The following AFF4 variants were observed in gnomAD, a reference collection of about 807,000 sequenced individuals.
AFF4 encodes AF4/FMR2 family member 4.
AFF4 carries 13 observed loss-of-function variants against 124.8 expected under a neutral mutation model. The observed-to-expected ratio is 0.10, with a 90% CI of 0.07 to 0.17. The LOEUF (loss-of-function observed/expected upper bound fraction) is 0.17. AFF4 is among the 10% of genes least tolerant of loss of function. The probability of loss-of-function intolerance (pLI) is 1.00; values close to 1 mark genes in which losing one functional copy is unlikely to be tolerated. For missense variants in AFF4, 1,092 were observed against 1,403.8 expected (o/e 0.78, Z 3.55); for synonymous variants, 477 against 496.1 (o/e 0.96, Z 0.51).
chr5:132,897,007 T>C lies in AFF4; in HGVS notation c.1623A>G (p.Glu541=), dbSNP rs1760420773. 6.2e-7 allele frequency: 1 copy of C among 1,614,094 alleles called. No individual in the cohort carries two copies. Among genetic ancestry groups the C allele is most frequent in the Admixed American group, 1.7e-5 (1 of 60,002 alleles). Reference sequence around the variant, plus strand: ...GAGATTTCTGCCTCCCACGCCCACTTTCTGATCCCTTTTGGATGGTTTTGG... The same window carrying C: ...GAGATTTCTGCCTCCCACGCCCACTCTCTGATCCCTTTTGGATGGTTTTGG... The part of the protein sequence containing the change: ...RDSKTIQKGS[E]SGRGRQKSPA... The change falls in exon 11 of 21, where the codon GAA becomes GAG. Residue 541 remains glutamate, a synonymous_variant. Transcript: ENST00000265343.
intron 1 of AFF4, among the ~76,000 whole-genome samples, chr5:132,948,125 A>AC (rs1761743918): frequency 2.0e-5 from 3 of 151,800 alleles, no homozygotes; most frequent in South Asian, 4.2e-4. Flanking sequence ...ATCTCGGCTC[A>AC]CTGCAACCTC....
chr5:132,932,572 T>C (rs1761325759), intron 3 of AFF4, among the ~76,000 whole-genome samples: 1 of 152,214 alleles, frequency 6.6e-6, no homozygotes, highest in South Asian at 2.1e-4. Flanking sequence ...CTGAGATACA[T>C]CATTTCACAT....
intron 9 of AFF4, 44 bp from the exon 10 acceptor site, chr5:132,898,436 T>C (rs774677704): frequency 1.9e-6 from 3 of 1,573,250 alleles, no homozygotes; most frequent in South Asian, 2.3e-5. Context: ...TTATTTTACA[T>C]TGACAACAGG....
intron 11 of AFF4, among the ~76,000 whole-genome samples, chr5:132,894,790 C>G (rs1353854355): frequency 6.6e-6 from 1 of 151,532 alleles, no homozygotes; most frequent in Middle Eastern, 3.2e-3. Flanking sequence ...AGCAAGATAC[C>G]ATCTCTATAA....
At chr5:132,901,200 T>C in intron 7 of AFF4, 1 of 970,082 alleles carries the variant, frequency 1.0e-6, no homozygotes, top group African/African-American at 1.8e-5. Flanking sequence ...CTCAATGAAC[T>C]TGTTTACACA....
At chr5:132,896,194 G>A (rs1760387189) in intron 11 of AFF4, 129 bp downstream of exon 11, 4 of 1,080,766 alleles carry the variant, frequency 3.7e-6, no homozygotes, top group East Asian at 4.8e-5. Context: ...GCCTCGCCTG[G>A]GCCTTGGGTT....
chr5:132,912,255 T>C (rs779628693), intron 5 of AFF4, among the ~76,000 whole-genome samples: 2 of 151,586 alleles, frequency 1.3e-5, no homozygotes, highest in South Asian at 2.1e-4. Context: ...TGAGGCAGAA[T>C]TGCTTGAACC....
chr5:132,915,203 T>C (rs1343583175), intron 5 of AFF4, among the ~76,000 whole-genome samples: 1 of 151,938 alleles, frequency 6.6e-6, no homozygotes, highest in African/African-American at 2.4e-5. Flanking sequence ...TAGCTGGGCG[T>C]GGTGGCGCAT....
intron 3 of AFF4, among the ~76,000 whole-genome samples, chr5:132,933,535 C>A (rs1411245061): frequency 6.6e-6 from 1 of 151,866 alleles, no homozygotes; most frequent in Admixed American, 6.6e-5. Flanking sequence ...TTATGAGACA[C>A]CCATCTTGAA....
chr5:132,943,286 T>C, intron 1 of AFF4: 1 of 191,914 alleles, frequency 5.2e-6, no homozygotes, highest in South Asian at 1.1e-4. Flanking sequence ...AAGTCAGCCC[T>C]TACAATAAGA....
At chr5:132,945,991 C>T (rs10463899) in intron 1 of AFF4, among the ~76,000 whole-genome samples, 17,540 of 151,646 alleles carry the variant, frequency 0.12, 1,283 homozygotes, top group South Asian at 0.2. Context: ...ACCCGGGACG[C>T]GGAGGTTGTG....
intron 5 of AFF4, among the ~76,000 whole-genome samples, chr5:132,911,271 TACA>T (rs1354476447): frequency 4.6e-5 from 7 of 152,222 alleles, no homozygotes; most frequent in Non-Finnish European, 2.9e-5. Context: ...TTGAGACTAG[TACA>T]ACTAGTCTTT....
At position 132,963,583 on chromosome 5, in the gene AFF4, C is replaced by A; in HGVS notation, c.-329G>T. Reference sequence around the variant, plus strand: ...CTGGCACCAGGATCCCCGCCCCGTCCGCTGGCGGCGGCGACGGCAGCTGGA... The same window carrying A: ...CTGGCACCAGGATCCCCGCCCCGTCAGCTGGCGGCGGCGACGGCAGCTGGA... On this transcript the variant is annotated 5_prime_UTR_variant, in exon 1 of 21. Transcript: ENST00000265343. The A allele has an allele frequency of 2.5e-6, 1 of 397,790 alleles. No individual in the cohort carries two copies. Among genetic ancestry groups the A allele is most frequent in the Non-Finnish European group, 4.4e-6 (1 of 225,520 alleles). 24.6% of individuals were successfully genotyped at this position (397,790 alleles called of 1,614,324 possible). A position where few individuals can be genotyped will look rare whatever the true frequency, so the allele number is the denominator to read the frequency against.
At chr5:132,959,777 T>G (rs1762041571) in intron 1 of AFF4, among the ~76,000 whole-genome samples, 1 of 143,392 alleles carries the variant, frequency 7.0e-6, no homozygotes, top group Non-Finnish European at 1.5e-5. Flanking sequence ...TTTTTTTTTT[T>G]TTTTTGAGAC....
chr5:132,901,610 T>TTA (rs1394712016), intron 7 of AFF4, among the ~76,000 whole-genome samples: 2 of 152,196 alleles, frequency 1.3e-5, no homozygotes, highest in Non-Finnish European at 1.5e-5. Flanking sequence ...TGTTACATTT[T>TTA]TATATATATT....
At chr5:132,957,502 GCAGGCAGATCACCTGAGGT>G (rs1761990036) in intron 1 of AFF4, among the ~76,000 whole-genome samples, 1 of 152,062 alleles carries the variant, frequency 6.6e-6, no homozygotes. Flanking sequence ...GGAGGCCGAG[GCAGGCAGATCACCTGAGGT>G]CAGGAGTTCG....
At chr5:132,935,939 A>AT (rs769672690) in intron 2 of AFF4, among the ~76,000 whole-genome samples, 1,605 of 150,864 alleles carry the variant, frequency 0.011, 27 homozygotes, top group African/African-American at 0.035. Flanking sequence ...AAAAAAAAAA[A>AT]CTTTTGAAGA....
chr5:132,951,430 G>A (rs1225609465), intron 1 of AFF4, among the ~76,000 whole-genome samples: 1 of 152,184 alleles, frequency 6.6e-6, no homozygotes, highest in Non-Finnish European at 1.5e-5. Context: ...GTTGAAGGCT[G>A]CTGTGTACTT....
intron 3 of AFF4, 53 bp downstream of exon 3, chr5:132,934,094 A>C: frequency 6.6e-7 from 1 of 1,525,304 alleles, no homozygotes. Context: ...TTTCATGATC[A>C]GTCAATTGCT....
Sources: gnomAD v4.1 joint callset for allele counts (sites outside exome capture counted in the v4.1 genomes callset) on GRCh38, gnomAD v4.1.1 for gene constraint, MANE v1.5 for transcripts, NCBI Gene and HGNC (gene_info 2026-07-23, HGNC 2026-07-21) for gene names.